Variants in SOX5 observed in about 807,000 individuals in gnomAD.
SOX5 encodes the protein SRY-box transcription factor 5.
Under a neutral mutation model 92.0 loss-of-function variants are expected in SOX5, and 9 were observed. The ratio of observed to expected loss-of-function variants is 0.10; its 90% CI spans 0.06 to 0.17. SOX5 has a LOEUF of 0.17. Ranked by LOEUF, SOX5 falls within the 10% of genes least tolerant of loss-of-function variation. SOX5 has a pLI of 1.00. For synonymous variants in SOX5, 344 were observed against 336.3 expected (o/e 1.02, Z -0.25); for missense variants, 642 against 944.5 (o/e 0.68, Z 4.20).
chr12:24,204,294 T>C (rs987194904), intron 4 of SOX5, among the ~76,000 whole-genome samples: 2 of 151,262 alleles, frequency 1.3e-5, no homozygotes, highest in Non-Finnish European at 2.9e-5. Flanking sequence ...CTTGGGTATA[T>C]AGTTTTATTT....
chr12:24,344,060 G>A (rs568291417), intron 2 of SOX5, among the ~76,000 whole-genome samples: 14 of 152,044 alleles, frequency 9.2e-5, no homozygotes, highest in African/African-American at 3.1e-4. Flanking sequence ...CGAGGTGGGC[G>A]AATCACAAGG....
At chr12:23,924,126 C>A (rs1429931009) in intron 1 of SOX5, among the ~76,000 whole-genome samples, 3 of 152,034 alleles carry the variant, frequency 2.0e-5, no homozygotes, top group Non-Finnish European at 4.4e-5. Flanking sequence ...CAGAATTGTA[C>A]CAAGATAAAA....
intron 1 of SOX5, among the ~76,000 whole-genome samples, chr12:23,905,374 G>A (rs550899786): frequency 6.6e-6 from 1 of 152,198 alleles, no homozygotes; most frequent in South Asian, 2.1e-4. Context: ...CCAAAATTAG[G>A]CTTTGTCTTA....
chr12:23,899,720 A>G (rs1367399186), intron 1 of SOX5, among the ~76,000 whole-genome samples: 1 of 152,262 alleles, frequency 6.6e-6, no homozygotes, highest in Non-Finnish European at 1.5e-5. Flanking sequence ...GAAAGAAATG[A>G]CATCTAATTT....
At chr12:23,772,054 G>A (rs1028733672) in intron 3 of SOX5, among the ~76,000 whole-genome samples, 2 of 152,172 alleles carry the variant, frequency 1.3e-5, no homozygotes, top group African/African-American at 4.8e-5. Flanking sequence ...CAGCATATTT[G>A]CATGCCTGCT....
intron 11 of SOX5, among the ~76,000 whole-genome samples, chr12:23,553,099 T>C (rs901028345): frequency 5.3e-5 from 8 of 152,060 alleles, no homozygotes; most frequent in Non-Finnish European, 1.2e-4. Context: ...AAGATAATTT[T>C]CTCAAAAATC....
intron 3 of SOX5, among the ~76,000 whole-genome samples, chr12:23,780,137 C>A (rs925362579): frequency 6.6e-6 from 1 of 151,742 alleles, no homozygotes; most frequent in Non-Finnish European, 1.5e-5. Context: ...TCTGTGCAAT[C>A]TGAATACTGG....
At chr12:23,666,501 T>A (rs2083834047) in intron 6 of SOX5, among the ~76,000 whole-genome samples, 1 of 152,218 alleles carries the variant, frequency 6.6e-6, no homozygotes, top group Non-Finnish European at 1.5e-5. Flanking sequence ...CTAACTAAAA[T>A]ACTTTTTTTG....
intron 4 of SOX5, among the ~76,000 whole-genome samples, chr12:24,117,192 C>A (rs1353426736): frequency 2.0e-5 from 3 of 151,908 alleles, no homozygotes; most frequent in African/African-American, 4.8e-5. Context: ...ATATGAATGG[C>A]CAATAGACAT....
intron 3 of SOX5, among the ~76,000 whole-genome samples, chr12:23,763,479 A>G (rs1321727881): frequency 1.3e-5 from 2 of 152,116 alleles, no homozygotes; most frequent in African/African-American, 4.8e-5. Context: ...ACCACCTACT[A>G]TTAATGTATT....
In SOX5 at chr12:23,534,002, CTTG is replaced by C. The variant is rs771615415; in HGVS notation, c.*214_*216del. The C allele has an allele frequency of 1.2e-4, 57 of 473,304 alleles. No individual in the cohort carries two copies. The highest frequency in any genetic ancestry group is 2.1e-4 in the Non-Finnish European group (55 of 264,694). 29.3% of individuals were successfully genotyped at this position (473,304 alleles called of 1,614,324 possible). A position where few individuals can be genotyped will look rare whatever the true frequency, so the allele number is the denominator to read the frequency against. ...TTTTACCCATAGCTTATTTCAATCT[CTTG>C]TTGTTGATATTGTTGTTTGCTTGTT... On this transcript the variant is annotated 3_prime_UTR_variant, in exon 15 of 15. Coordinates refer to ENST00000451604, the MANE Select transcript of SOX5 (RefSeq NM_006940.6).
intron 4 of SOX5, among the ~76,000 whole-genome samples, chr12:24,084,842 A>C (rs1038605233): frequency 2.6e-5 from 4 of 152,102 alleles, no homozygotes; most frequent in African/African-American, 9.7e-5. Flanking sequence ...TTAATACTAC[A>C]AATGATACAT....
chr12:23,563,431 CT>C (rs781299625), intron 10 of SOX5, 28 bp from the exon 11 acceptor site: 5 of 1,606,918 alleles, frequency 3.1e-6, no homozygotes, highest in Non-Finnish European at 3.4e-6. Flanking sequence ...CAAAGGATAT[CT>C]TTTGTATAAA....
chr12:24,100,587 G>C (rs886257031), intron 4 of SOX5, among the ~76,000 whole-genome samples: 1 of 151,994 alleles, frequency 6.6e-6, no homozygotes, highest in Non-Finnish European at 1.5e-5. Context: ...TCCCATAAAG[G>C]CCAGTGCCAT....
chr12:24,363,891 TCACCAA>T, intron 2 of SOX5, among the ~76,000 whole-genome samples: 1 of 152,298 alleles, frequency 6.6e-6, no homozygotes, highest in South Asian at 2.1e-4. Flanking sequence ...CCCAAATCTG[TCACCAA>T]CCTCAAGCTT....
intron 4 of SOX5, among the ~76,000 whole-genome samples, chr12:24,133,998 A>T (rs896550410): frequency 5.9e-5 from 9 of 152,304 alleles, no homozygotes; most frequent in South Asian, 2.1e-4. Flanking sequence ...AGCTTGTTCT[A>T]CTGAATCAGA....
intron 3 of SOX5, among the ~76,000 whole-genome samples, chr12:23,794,569 G>A (rs192346087): frequency 4.8e-4 from 73 of 152,176 alleles, no homozygotes; most frequent in African/African-American, 1.7e-3. Flanking sequence ...CAAAAGATAT[G>A]TCTATCATAT....
chr12:23,631,522 C>A (rs1215169872), intron 8 of SOX5, among the ~76,000 whole-genome samples: 1 of 152,000 alleles, frequency 6.6e-6, no homozygotes, highest in Non-Finnish European at 1.5e-5. Context: ...TACTGCTGGT[C>A]TTGGGACAGC....
chr12:24,132,185 A>G (rs1949710353), intron 4 of SOX5, among the ~76,000 whole-genome samples: 2 of 152,186 alleles, frequency 1.3e-5, no homozygotes, highest in African/African-American at 4.8e-5. Context: ...GTTGGAATAC[A>G]GAAACGATAG....
Sources: allele counts gnomAD v4.1 joint callset (sites outside exome capture counted in the v4.1 genomes callset), GRCh38; gene constraint gnomAD v4.1.1; transcripts MANE v1.5; gene names NCBI Gene and HGNC (gene_info 2026-07-23, HGNC 2026-07-21).